The following DAB1 variants were observed in gnomAD, a reference collection of about 807,000 sequenced individuals.
DAB1 encodes disabled homolog 1.
Under a neutral mutation model 64.6 loss-of-function variants are expected in DAB1, and 15 were observed. The ratio of observed to expected loss-of-function variants is 0.23; its 90% CI spans 0.16 to 0.36. The LOEUF is 0.36. Ranked by LOEUF, DAB1 falls within the 10% of genes least tolerant of loss-of-function variation. The pLI, the probability that DAB1 is intolerant of heterozygous loss-of-function variation, is 1.00. For missense variants in DAB1, 596 were observed against 706.7 expected (o/e 0.84, Z 1.78); for synonymous variants, 235 against 251.9 (o/e 0.93, Z 0.64).
chr1:57,054,008 A>G (rs958955717), intron 9 of DAB1, among the ~76,000 whole-genome samples: 1 of 152,120 alleles, frequency 6.6e-6, no homozygotes, highest in Non-Finnish European at 1.5e-5. Flanking sequence ...TTTGAAGGCC[A>G]AAAGAATTTC....
At chr1:57,525,612 T>C (rs1419542603) in intron 7 of DAB1, among the ~76,000 whole-genome samples, 1 of 152,024 alleles carries the variant, frequency 6.6e-6, no homozygotes, top group Admixed American at 6.5e-5. Context: ...ATTGAAAAGA[T>C]TGGAGAAGTG....
At chr1:57,932,104 C>T (rs937963996) in intron 5 of DAB1, among the ~76,000 whole-genome samples, 4 of 151,900 alleles carry the variant, frequency 2.6e-5, no homozygotes, top group African/African-American at 7.3e-5. Flanking sequence ...TTTTTTGACT[C>T]GTGTTATTTA....
At chr1:57,325,727 G>T (rs1676098224) in intron 1 of DAB1, among the ~76,000 whole-genome samples, 1 of 152,124 alleles carries the variant, frequency 6.6e-6, no homozygotes, top group Non-Finnish European at 1.5e-5. Flanking sequence ...AATTATTAAA[G>T]GTAAACCAGG....
Position 58,127,988 on chromosome 1 carries a change from G to C in DAB1, n.387+22523C>G, listed in dbSNP as rs563385455. Among the ~76,000 whole-genome samples the C allele has an allele frequency of 3.8e-3, 580 of 151,142 alleles. 3 individuals are homozygous for C. Among genetic ancestry groups the C allele is most frequent in the African/African-American group, 0.013 (543 of 41,058 alleles). ...AACTTTAAAGTAGTTTTTTCCAATT[G>C]TGTGAAGAAAGTCATTGGTAGCTTG... On this transcript the variant is annotated intron_variant and non_coding_transcript_variant, in intron 5 of 20. Transcript: ENST00000485760.
At chr1:58,313,522 C>T (rs1642324373) in intron 4 of DAB1, among the ~76,000 whole-genome samples, 1 of 152,140 alleles carries the variant, frequency 6.6e-6, no homozygotes, top group African/African-American at 2.4e-5. Flanking sequence ...CTGAATTCAT[C>T]CAGAAGCCAG....
chr1:58,465,859 C>T (rs1167169230), intron 3 of DAB1, among the ~76,000 whole-genome samples: 1 of 152,186 alleles, frequency 6.6e-6, no homozygotes, highest in Non-Finnish European at 1.5e-5. Context: ...TACCCATGGT[C>T]AATGGCAGAA....
At chr1:57,104,661 C>A (rs6674223) in intron 4 of DAB1, among the ~76,000 whole-genome samples, 5 of 151,934 alleles carry the variant, frequency 3.3e-5, no homozygotes, top group African/African-American at 1.2e-4. Flanking sequence ...ACTCACAAGA[C>A]GGGGCTGATG....
chr1:57,746,063 ACTTTAGCGATC>A (rs1401829923), intron 6 of DAB1, among the ~76,000 whole-genome samples: 1 of 152,162 alleles, frequency 6.6e-6, no homozygotes, highest in Non-Finnish European at 1.5e-5. Flanking sequence ...TTATGTAAAC[ACTTTAGCGATC>A]CTTTCCCCAA....
intron 5 of DAB1, among the ~76,000 whole-genome samples, chr1:57,940,352 G>A (rs1645085527): frequency 1.3e-5 from 2 of 152,146 alleles, no homozygotes; most frequent in African/African-American, 2.4e-5. Context: ...TGATGCATTC[G>A]ATTTGTGAGC....
In DAB1 at chr1:58,429,563, CACCCTTTTGGGA is replaced by C. The variant is rs1644850221; in HGVS notation, n.257+76485_257+76496del. ...GAAGACTGAGAAGTGCTCTTGAGTA[CACCCTTTTGGGA>C]ACTCTCAGTACAGTAAGGGAGGCAG... On this transcript the variant is annotated intron_variant and non_coding_transcript_variant, in intron 3 of 20. Transcript: ENST00000485760. Among the ~76,000 whole-genome samples, 3 of 152,136 alleles carry C rather than the reference CACCCTTTTGGGA, an allele frequency of 2.0e-5. No individual in the cohort carries two copies. The South Asian group carries it at 6.2e-4, about 32-fold the overall frequency.
chr1:57,780,536 A>C (rs1650015502), intron 6 of DAB1, among the ~76,000 whole-genome samples: 1 of 152,062 alleles, frequency 6.6e-6, no homozygotes, highest in Non-Finnish European at 1.5e-5. Flanking sequence ...TATGTTACAT[A>C]TGTTCATTGT....
At chr1:57,629,503 G>A (rs1263206268) in intron 7 of DAB1, among the ~76,000 whole-genome samples, 2 of 152,136 alleles carry the variant, frequency 1.3e-5, no homozygotes, top group Non-Finnish European at 2.9e-5. Flanking sequence ...ATATGAAGGA[G>A]AAGGAGGAAG....
chr1:58,264,819 A>G (rs1056763242), intron 4 of DAB1, among the ~76,000 whole-genome samples: 3 of 152,196 alleles, frequency 2.0e-5, no homozygotes, highest in Admixed American at 2.0e-4. Context: ...CCCAGTGGCC[A>G]CCTCTATTCT....
intron 4 of DAB1, among the ~76,000 whole-genome samples, chr1:58,264,968 A>G (rs1193749175): frequency 6.6e-6 from 1 of 152,214 alleles, no homozygotes; most frequent in African/African-American, 2.4e-5. Context: ...AAACATAAGC[A>G]TCCCTAAAGC....
intron 5 of DAB1, among the ~76,000 whole-genome samples, chr1:58,141,399 A>G (rs1654277656): frequency 6.6e-6 from 1 of 152,148 alleles, no homozygotes; most frequent in African/African-American, 2.4e-5. Flanking sequence ...CAGCATGGGA[A>G]AAACCTGCCC....
chr1:57,155,426 T>C (rs747185511), intron 2 of DAB1, among the ~76,000 whole-genome samples: 4 of 152,172 alleles, frequency 2.6e-5, no homozygotes, highest in South Asian at 2.1e-4. Context: ...TTGGTTACTA[T>C]AGCTCTGTAG....
chr1:57,986,782 G>T, intron 5 of DAB1, among the ~76,000 whole-genome samples: 1 of 152,122 alleles, frequency 6.6e-6, no homozygotes, highest in South Asian at 2.1e-4. Flanking sequence ...CACAGAGAAC[G>T]TTCTATCTCT....
chr1:57,521,066 A>G (rs753226090), intron 7 of DAB1, among the ~76,000 whole-genome samples: 1 of 152,176 alleles, frequency 6.6e-6, no homozygotes, highest in African/African-American at 2.4e-5. Flanking sequence ...CATCGAAGGG[A>G]GTAACACAGA....
intron 4 of DAB1, 42 bp from the exon 5 acceptor site, chr1:57,072,456 T>C: frequency 6.2e-7 from 1 of 1,603,214 alleles, no homozygotes; most frequent in Non-Finnish European, 8.5e-7. Flanking sequence ...CAGGGGACTT[T>C]CCCTTCGAGC....
Sources: allele counts gnomAD v4.1 joint callset (sites outside exome capture counted in the v4.1 genomes callset), GRCh38; gene constraint gnomAD v4.1.1; transcripts MANE v1.5; gene names NCBI Gene and HGNC (gene_info 2026-07-23, HGNC 2026-07-21).